Variants in MYO10 observed in about 807,000 individuals in gnomAD.
MYO10 encodes the protein myosin X, also known as unconventional myosin-X.
Under a neutral mutation model 257.3 loss-of-function variants are expected in MYO10, and 133 were observed. The ratio of observed to expected loss-of-function variants is 0.52; its 90% CI spans 0.45 to 0.60. The LOEUF (loss-of-function observed/expected upper bound fraction) is 0.60, where lower values mean the gene tolerates loss of function less well. MYO10 is among the 20% of genes least tolerant of loss of function. The pLI is 0.00. For synonymous variants in MYO10, 1,104 were observed against 1,028.6 expected (o/e 1.07, Z -1.40); for missense variants, 2,399 against 2,635.7 (o/e 0.91, Z 1.97).
intron 1 of MYO10, chr5:16,916,029 G>A (rs1400643540): frequency 2.2e-6 from 1 of 455,964 alleles, no homozygotes; most frequent in East Asian, 7.0e-5. Context: ...GAGCTGGTGA[G>A]TAAATATTCA....
chr5:16,785,811 A>C (rs905276842), intron 4 of MYO10, among the ~76,000 whole-genome samples: 1 of 152,154 alleles, frequency 6.6e-6, no homozygotes, highest in Admixed American at 6.5e-5. Context: ...TGGAGGTTGC[A>C]GTGAATGGAG....
intron 3 of MYO10, among the ~76,000 whole-genome samples, chr5:16,808,917 G>A (rs1423920657): frequency 6.6e-6 from 1 of 151,884 alleles, no homozygotes; most frequent in African/African-American, 2.4e-5. Context: ...TGATCAGCCT[G>A]CCTCGGCCTC....
chr5:16,701,481 C>T lies in MYO10; in HGVS notation c.2914G>A (p.Ala972Thr). 6.2e-7 allele frequency: 1 copy of T among 1,613,986 alleles called. No individual in the cohort carries two copies. Among genetic ancestry groups the T allele is most frequent in the African/African-American group, 1.3e-5 (1 of 75,064 alleles). Residue 972 changes from alanine to threonine, a missense_variant, in exon 25 of 41, where the codon GCT (alanine) becomes ACT (threonine). Physicochemically the swap from Ala to Thr is moderately conservative, Grantham distance 58. This residue lies in a region of MYO10 where 1,820 missense variants were observed against 1,939.4 expected (regional missense o/e 0.94). Coordinates refer to ENST00000513610, the MANE Select transcript of MYO10 (RefSeq NM_012334.3). This position sits in a 1 kb window ranked among gnomAD's most constrained non-coding sequence, Gnocchi z 8.1. ...GGCTTCTCCTCGCATGCGCTCTCAG[C>T]CAGCTCGCTGGAAAATTCGCTTCCC... ...SVGSEFSSEL[A>T]ESACEEKPNF...
Position 16,669,139 on chromosome 5 carries a change from G to A in MYO10, c.5884-671C>T, listed in dbSNP as rs184962803. On this transcript the variant is annotated intron_variant, in intron 39 of 40. Coordinates refer to ENST00000513610, the MANE Select transcript of MYO10 (RefSeq NM_012334.3). ...AGCAGGAGGGCTATAAATTGGAGAC[G>A]CTGAAAAGAGTCTCTAGTTTATATC... 5.9e-5 allele frequency among the ~76,000 whole-genome samples: 9 copies of A among 152,252 alleles called. 1 individual carries two copies. The highest frequency in any genetic ancestry group is 3.4e-3 in the Middle Eastern group (1 of 294).
chr5:16,830,993 C>T (rs769233440), intron 2 of MYO10, among the ~76,000 whole-genome samples: 7 of 152,046 alleles, frequency 4.6e-5, no homozygotes, highest in South Asian at 2.1e-4. Flanking sequence ...GTATCCACTG[C>T]GTCAATGTCA....
At chr5:16,869,915 AGGGAAGGGGAAG>A (rs559562982) in intron 2 of MYO10, among the ~76,000 whole-genome samples, 2 of 118,676 alleles carry the variant, frequency 1.7e-5, no homozygotes, top group African/African-American at 6.6e-5. Flanking sequence ...GGAGAAAGGA[AGGGAAGGGGAAG>A]GGGGAGGGGG....
At position 16,676,069 on chromosome 5, in the gene MYO10, G is replaced by A. The variant is rs750782339; in HGVS notation, c.4628C>T (p.Pro1543Leu). 1.5e-5 allele frequency: 24 copies of A among 1,612,914 alleles called. No individual in the cohort carries two copies. The highest frequency in any genetic ancestry group is 2.2e-5 in the East Asian group (1 of 44,796). The change falls in exon 34 of 41, where the codon CCG becomes CTG. Residue 1543 changes from proline to leucine, a missense_variant. Pro to Leu is a moderately conservative substitution (Grantham distance 98, BLOSUM62 -3). This residue lies in a region of MYO10 where 1,820 missense variants were observed against 1,939.4 expected (regional missense o/e 0.94). Transcript: ENST00000513610. ...LRYTHHPLHSPLLPLPYGDIN... is the reference protein window; with the variant it reads ...LRYTHHPLHSLLLPLPYGDIN... ...GTCCCCATACGGAAGGGGCAGGAGC[G>A]GGGAGTGCAAGGGGTGATGGGTGTA...
At chr5:16,678,132 C>T (rs1351058845) in intron 33 of MYO10, among the ~76,000 whole-genome samples, 1 of 152,112 alleles carries the variant, frequency 6.6e-6, no homozygotes, top group Non-Finnish European at 1.5e-5. Flanking sequence ...GTTCCAGCAC[C>T]GAAGACTGAG....
chr5:16,795,708 T>C (rs1030461237), intron 3 of MYO10, among the ~76,000 whole-genome samples: 17 of 152,164 alleles, frequency 1.1e-4, no homozygotes, highest in Admixed American at 3.9e-4. Context: ...ATGGTCTTGC[T>C]TTGTTACCCA....
Position 16,779,629 on chromosome 5 carries a change from C to A in MYO10, c.846G>T (p.Thr282=), listed in dbSNP as rs754969669. ...GATTCAAGTAGTGGTAGTTTTCTGG[C>A]GTAGATAAATAAAATTCTTCTACAG... is the stretch of plus-strand genomic sequence containing the variant. ...HEEREEFYLS[T]PENYHYLNQS... Residue 282 remains threonine (T), a synonymous_variant, in exon 9 of 41, where the codon ACG becomes ACT. Coordinates refer to ENST00000513610, the MANE Select transcript of MYO10 (RefSeq NM_012334.3). The A allele has an allele frequency of 2.5e-6, 4 of 1,599,780 alleles. No individual in the cohort carries two copies. The highest frequency in any genetic ancestry group is 3.4e-6 in the Non-Finnish European group (4 of 1,174,010).
intron 1 of MYO10, among the ~76,000 whole-genome samples, chr5:16,883,478 A>C (rs1744814499): frequency 6.6e-6 from 1 of 152,198 alleles, no homozygotes; most frequent in Admixed American, 6.5e-5. Flanking sequence ...TCTAAGGATG[A>C]GGTTGTGATG....
chr5:16,930,269 C>T (rs1032890897), intron 1 of MYO10, among the ~76,000 whole-genome samples: 1 of 152,066 alleles, frequency 6.6e-6, no homozygotes, highest in Admixed American at 6.6e-5. Flanking sequence ...GTGGGACATT[C>T]GATAGACAGA....
chr5:16,690,910 G>A (rs1366347148), intron 27 of MYO10, among the ~76,000 whole-genome samples: 1 of 152,074 alleles, frequency 6.6e-6, no homozygotes, highest in African/African-American at 2.4e-5. Flanking sequence ...TCAGACCAGA[G>A]ATAGTAATAC....
At chr5:16,671,006 G>C (rs757071628) in intron 38 of MYO10, 28 bp from the exon 39 acceptor site, 1 of 1,573,210 alleles carries the variant, frequency 6.4e-7, no homozygotes, top group Non-Finnish European at 8.7e-7. Context: ...ACAGCTTTCC[G>C]GTCAACGCAC....
intron 2 of MYO10, among the ~76,000 whole-genome samples, chr5:16,837,195 A>G (rs1171907323): frequency 6.6e-6 from 1 of 152,112 alleles, no homozygotes; most frequent in African/African-American, 2.4e-5. Context: ...CTGTAATCCC[A>G]GCTACTTGGG....
At position 16,673,913 on chromosome 5, in the gene MYO10, A is replaced by G. The variant is rs919108145; in HGVS notation, c.4965-24T>C. 6.8e-6 allele frequency: 11 copies of G among 1,608,284 alleles called. No homozygotes were observed. In the Admixed American group the frequency reaches 1.8e-4, roughly 27 times the overall value. On this transcript the variant is annotated intron_variant, in intron 35 of 40. Coordinates refer to ENST00000513610, the MANE Select transcript of MYO10 (RefSeq NM_012334.3). Reference sequence around the variant, plus strand: ...TCCTAGGAGGCAAACACTAACTGTTAATTTTTAGACTGATGGGGGCTGGCT... The same window carrying G: ...TCCTAGGAGGCAAACACTAACTGTTGATTTTTAGACTGATGGGGGCTGGCT...
At chr5:16,836,683 C>A (rs1314874485) in intron 2 of MYO10, among the ~76,000 whole-genome samples, 1 of 152,156 alleles carries the variant, frequency 6.6e-6, no homozygotes, top group Non-Finnish European at 1.5e-5. Flanking sequence ...TAAAATTGTT[C>A]TCTGCTCACT....
chr5:16,839,728 G>C (rs543716242), intron 2 of MYO10, among the ~76,000 whole-genome samples: 3 of 152,088 alleles, frequency 2.0e-5, no homozygotes, highest in Non-Finnish European at 1.5e-5. Context: ...GTGACAGAGT[G>C]AAACTCTGTC....
chr5:16,929,096 G>A (rs1746224000), intron 1 of MYO10, among the ~76,000 whole-genome samples: 1 of 151,552 alleles, frequency 6.6e-6, no homozygotes, highest in South Asian at 2.1e-4. Context: ...GGGACTACAG[G>A]TGCCCGCCAC....
Sources: gnomAD v4.1 joint callset for allele counts (sites outside exome capture counted in the v4.1 genomes callset) on GRCh38, gnomAD v4.1.1 for gene constraint, gnomAD v4.1.1 regional missense constraint, Gnocchi (gnomAD v3.1) non-coding constraint, MANE v1.5 for transcripts, NCBI Gene and HGNC (gene_info 2026-07-23, HGNC 2026-07-21) for gene names.